CCSER1: variants seen among roughly 807,000 people sequenced by gnomAD.
The protein encoded by CCSER1 is coiled-coil serine rich protein 1, also known as serine-rich coiled-coil domain-containing protein 1.
A neutral mutation model predicts 82.0 loss-of-function variants in CCSER1; 41 were observed. The observed-to-expected ratio is 0.50, with a 90% CI of 0.39 to 0.65. The LOEUF (loss-of-function observed/expected upper bound fraction) is 0.65, where lower values mean the gene tolerates loss of function less well. CCSER1 is among the 30% of genes least tolerant of loss of function. CCSER1 has a pLI of 0.00. For missense variants in CCSER1, 1,119 were observed against 1,064.2 expected (o/e 1.05, Z -0.72); for synonymous variants, 414 against 383.9 (o/e 1.08, Z -0.92).
chr4:90,997,159 C>A (rs575696197), intron 9 of CCSER1, among the ~76,000 whole-genome samples: 2 of 152,242 alleles, frequency 1.3e-5, no homozygotes, highest in African/African-American at 4.8e-5. Context: ...AAGGTGTGGG[C>A]AGGTTTGTGT....
chr4:91,417,254 T>A (rs566997372), intron 10 of CCSER1, among the ~76,000 whole-genome samples: 2 of 152,188 alleles, frequency 1.3e-5, no homozygotes, highest in Admixed American at 1.3e-4. Context: ...GAAGTGTAAA[T>A]TAGTTCAACC....
chr4:91,090,933 A>G (rs540783180), intron 10 of CCSER1, among the ~76,000 whole-genome samples: 1 of 152,088 alleles, frequency 6.6e-6, no homozygotes, highest in Non-Finnish European at 1.5e-5. Flanking sequence ...GGGGTTTGTG[A>G]TTACTAATTC....
intron 10 of CCSER1, among the ~76,000 whole-genome samples, chr4:91,380,638 G>A (rs1448729326): frequency 6.6e-6 from 1 of 152,124 alleles, no homozygotes; most frequent in East Asian, 1.9e-4. Flanking sequence ...GCCTTTGTGT[G>A]TCTCTGCATG....
intron 6 of CCSER1, among the ~76,000 whole-genome samples, chr4:90,704,561 C>T (rs1017766396): frequency 2.0e-5 from 3 of 152,178 alleles, no homozygotes; most frequent in Admixed American, 2.0e-4. Flanking sequence ...TAATATCCTG[C>T]AGAGTGTTTT....
intron 1 of CCSER1, among the ~76,000 whole-genome samples, chr4:90,215,615 A>G (rs1476026768): frequency 6.6e-6 from 1 of 152,206 alleles, no homozygotes; most frequent in African/African-American, 2.4e-5. Flanking sequence ...TCTGTGCTCT[A>G]TTTGACAGAT....
rs536022692 is a variant in CCSER1, at chr4:90,390,590, A to G, written c.1510-9446A>G. Among the ~76,000 whole-genome samples the G allele has an allele frequency of 3.3e-4, 50 of 152,284 alleles. No individual in the cohort carries two copies. In the South Asian group the frequency reaches 9.3e-3, roughly 28 times the overall value. ...TTGATAATGGCCTCCGCCTCCATCC[A>G]TGTTGCTGCAAAAGACATGCTTTTG... On this transcript the variant is annotated intron_variant, in intron 3 of 10. Coordinates refer to ENST00000509176, the MANE Select transcript of CCSER1 (RefSeq NM_001145065.2).
intron 10 of CCSER1, among the ~76,000 whole-genome samples, chr4:91,595,943 T>TAAAA (rs1170927227): frequency 8.6e-4 from 68 of 78,860 alleles, no homozygotes; most frequent in East Asian, 5.3e-3. Flanking sequence ...ACAGAGAACT[T>TAAAA]AAAAAAAAAA....
intron 5 of CCSER1, among the ~76,000 whole-genome samples, chr4:90,566,188 T>A (rs2153650950): frequency 6.6e-6 from 1 of 152,096 alleles, no homozygotes; most frequent in South Asian, 2.1e-4. Context: ...GCTGTTAAAT[T>A]TAGTTTGCTA....
chr4:91,035,606 AT>A (rs1741367135), intron 9 of CCSER1, among the ~76,000 whole-genome samples: 1 of 152,088 alleles, frequency 6.6e-6, no homozygotes, highest in African/African-American at 2.4e-5. Flanking sequence ...ATTTTAAAAA[AT>A]TTTTACAATA....
At chr4:90,433,558 C>T (rs1758593204) in intron 4 of CCSER1, among the ~76,000 whole-genome samples, 1 of 152,002 alleles carries the variant, frequency 6.6e-6, no homozygotes, top group African/African-American at 2.4e-5. Flanking sequence ...ATGATAATGA[C>T]AGCAGTACCA....
chr4:91,131,588 AAG>A (rs1225109182), intron 10 of CCSER1, among the ~76,000 whole-genome samples: 2 of 152,096 alleles, frequency 1.3e-5, no homozygotes, highest in Non-Finnish European at 2.9e-5. Context: ...AGTTCATTAA[AAG>A]AAAAAATCTA....
chr4:91,079,221 ATC>A (rs1722395115), intron 9 of CCSER1, among the ~76,000 whole-genome samples: 1 of 152,212 alleles, frequency 6.6e-6, no homozygotes, highest in African/African-American at 2.4e-5. Context: ...CTAACAGCAG[ATC>A]TCTCAGCAGA....
At chr4:91,569,106 C>G (rs763070876) in intron 10 of CCSER1, among the ~76,000 whole-genome samples, 4 of 152,114 alleles carry the variant, frequency 2.6e-5, no homozygotes, top group African/African-American at 7.2e-5. Flanking sequence ...GAAGGTGGTA[C>G]ATTAGTGAGG....
At chr4:91,405,444 C>T (rs891237384) in intron 10 of CCSER1, among the ~76,000 whole-genome samples, 23 of 152,134 alleles carry the variant, frequency 1.5e-4, no homozygotes, top group South Asian at 8.3e-4. Context: ...GTAACAAAAG[C>T]GAAAATAGAC....
At chr4:91,441,840 G>C (rs1755177640) in intron 10 of CCSER1, among the ~76,000 whole-genome samples, 1 of 82,578 alleles carries the variant, frequency 1.2e-5, no homozygotes, top group South Asian at 5.2e-4. Context: ...GACACACAGA[G>C]TGCCAAATTA....
chr4:90,600,680 C>T (rs1429454029), intron 5 of CCSER1, among the ~76,000 whole-genome samples: 1 of 151,536 alleles, frequency 6.6e-6, no homozygotes, highest in Non-Finnish European at 1.5e-5. Context: ...GATTTTTTTT[C>T]AAAGACATCT....
chr4:90,634,259 C>T (rs1170175850), intron 6 of CCSER1, among the ~76,000 whole-genome samples: 1 of 151,498 alleles, frequency 6.6e-6, no homozygotes, highest in East Asian at 1.9e-4. Context: ...TTTACAGGCC[C>T]ATATAGTTGA....
intron 1 of CCSER1, chr4:90,235,005 G>A (rs953174746): frequency 1.3e-5 from 2 of 152,190 alleles, no homozygotes; most frequent in Admixed American, 6.6e-5. Flanking sequence ...CTGCTGCTGC[G>A]GCTTCTACTG....
chr4:91,097,977 A>G (rs531390999), intron 10 of CCSER1, among the ~76,000 whole-genome samples: 7 of 152,218 alleles, frequency 4.6e-5, no homozygotes, highest in Non-Finnish European at 8.8e-5. Context: ...AAAACCATAA[A>G]TAGGAAATTA....
Sources: allele counts gnomAD v4.1 joint callset (sites outside exome capture counted in the v4.1 genomes callset), GRCh38; gene constraint gnomAD v4.1.1; transcripts MANE v1.5; gene names NCBI Gene and HGNC (gene_info 2026-07-23, HGNC 2026-07-21).